GRID2: variants seen among roughly 807,000 people sequenced by gnomAD.
GRID2 encodes glutamate ionotropic receptor delta type subunit 2.
GRID2 carries 33 observed loss-of-function variants against 114.8 expected under a neutral mutation model. The observed-to-expected ratio is 0.29, with a 90% CI of 0.22 to 0.38. GRID2 has a LOEUF of 0.38. Ranked by LOEUF, GRID2 falls within the 10% of genes least tolerant of loss-of-function variation. GRID2 has a pLI of 1.00. For synonymous variants in GRID2, 505 were observed against 449.9 expected (o/e 1.12, Z -1.55); for missense variants, 1,184 against 1,257.7 (o/e 0.94, Z 0.89).
chr4:92,390,261 A>G (rs1182190343), intron 1 of GRID2, among the ~76,000 whole-genome samples: 1 of 152,206 alleles, frequency 6.6e-6, no homozygotes, highest in East Asian at 1.9e-4. Context: ...ACCAGTGAAT[A>G]GAAATGACTA....
At chr4:92,728,187 C>T (rs557359073) in intron 2 of GRID2, among the ~76,000 whole-genome samples, 1 of 152,018 alleles carries the variant, frequency 6.6e-6, no homozygotes, top group South Asian at 2.1e-4. Flanking sequence ...TGTGATTGAA[C>T]CTCTTATAAT....
intron 14 of GRID2, among the ~76,000 whole-genome samples, chr4:93,634,265 TATG>T (rs1721212929): frequency 6.6e-6 from 1 of 152,052 alleles, no homozygotes; most frequent in Non-Finnish European, 1.5e-5. Flanking sequence ...CGAATTTGGA[TATG>T]AGAGCAGGTG....
At chr4:93,495,075 T>G (rs1727395973) in intron 12 of GRID2, among the ~76,000 whole-genome samples, 2 of 151,750 alleles carry the variant, frequency 1.3e-5, no homozygotes, top group Admixed American at 6.6e-5. Flanking sequence ...GTTTTTTCAT[T>G]CCCAGGAGCT....
At chr4:92,964,795 A>G (rs905074868) in intron 2 of GRID2, among the ~76,000 whole-genome samples, 4 of 151,956 alleles carry the variant, frequency 2.6e-5, no homozygotes, top group African/African-American at 9.7e-5. Context: ...CTTTCCTTAG[A>G]TTTTGCTTTG....
intron 2 of GRID2, among the ~76,000 whole-genome samples, chr4:93,068,180 T>G (rs1307273301): frequency 6.6e-6 from 1 of 152,062 alleles, no homozygotes; most frequent in African/African-American, 2.4e-5. Context: ...ATCCTTCAGT[T>G]TAAAAAATGT....
At chr4:93,493,587 G>C (rs1727238214) in intron 12 of GRID2, among the ~76,000 whole-genome samples, 1 of 150,638 alleles carries the variant, frequency 6.6e-6, no homozygotes, top group African/African-American at 2.4e-5. Context: ...GAATTTGTTT[G>C]CTTGATATGG....
intron 2 of GRID2, among the ~76,000 whole-genome samples, chr4:92,620,591 G>T (rs1414841140): frequency 6.6e-6 from 1 of 150,732 alleles, no homozygotes; most frequent in Non-Finnish European, 1.5e-5. Flanking sequence ...ATTGTAAATG[G>T]TAGTTCATAT....
chr4:92,845,141 T>C (rs1169403375), intron 2 of GRID2, among the ~76,000 whole-genome samples: 3 of 152,132 alleles, frequency 2.0e-5, no homozygotes, highest in Admixed American at 6.6e-5. Context: ...TGAAAGGTCT[T>C]GAAGACTCCC....
intron 2 of GRID2, among the ~76,000 whole-genome samples, chr4:92,760,257 AAAAAG>A (rs1484506011): frequency 5.3e-5 from 8 of 151,036 alleles, no homozygotes; most frequent in African/African-American, 1.5e-4. Context: ...AAAAAAAAAA[AAAAAG>A]AAAAGAAATA....
At chr4:93,287,201 G>A (rs1753272874) in intron 8 of GRID2, among the ~76,000 whole-genome samples, 1 of 152,104 alleles carries the variant, frequency 6.6e-6, no homozygotes, top group South Asian at 2.1e-4. Context: ...ATATCATTAT[G>A]GAGTTGTAAA....
chr4:93,136,852 A>C (rs2149381624), intron 4 of GRID2, among the ~76,000 whole-genome samples: 1 of 152,262 alleles, frequency 6.6e-6, no homozygotes, highest in East Asian at 1.9e-4. Context: ...TAGGGTATAA[A>C]ATACTATCCA....
chr4:92,889,111 A>G (rs569135994), intron 2 of GRID2, among the ~76,000 whole-genome samples: 24 of 152,274 alleles, frequency 1.6e-4, no homozygotes, highest in Admixed American at 1.4e-3. Context: ...TAGGAAAAAT[A>G]CGTTGTTCAT....
rs932369976 is a variant in GRID2 at position 92,936,353 on chromosome 4, C to T, written c.245-148642C>T. 4.8e-5 allele frequency among the ~76,000 whole-genome samples: 7 copies of T among 146,226 alleles called. 2 individuals are homozygous for T. Among genetic ancestry groups the T allele is most frequent in the Non-Finnish European group, 9.1e-5 (6 of 66,156 alleles). On this transcript the variant is annotated intron_variant, in intron 2 of 15. Coordinates refer to ENST00000282020, the MANE Select transcript of GRID2 (RefSeq NM_001510.4). ...TTACACTAAGGCATTATCTGAGATT[C>T]GTTTGTAAATATAAATCACGCCATT...
At chr4:93,711,713 G>A (rs1298020667) in intron 14 of GRID2, among the ~76,000 whole-genome samples, 1 of 152,176 alleles carries the variant, frequency 6.6e-6, no homozygotes, top group East Asian at 1.9e-4. Flanking sequence ...AATCAGTGCT[G>A]TTTCCATCCT....
At chr4:93,035,334 G>T (rs747367818) in intron 2 of GRID2, among the ~76,000 whole-genome samples, 1 of 152,018 alleles carries the variant, frequency 6.6e-6, no homozygotes, top group African/African-American at 2.4e-5. Flanking sequence ...GGATGGTCTT[G>T]AGCTCCTTGG....
chr4:92,417,052 T>A (rs1161779064), intron 1 of GRID2, among the ~76,000 whole-genome samples: 1 of 152,138 alleles, frequency 6.6e-6, no homozygotes, highest in Non-Finnish European at 1.5e-5. Context: ...TGTTTTCATT[T>A]GTGTCGTCTA....
At chr4:93,282,234 G>T in intron 8 of GRID2, 1 of 269,478 alleles carries the variant, frequency 3.7e-6, no homozygotes, top group African/African-American at 2.3e-5. Context: ...AAAAATCTTG[G>T]CAGCAAAATG....
intron 2 of GRID2, among the ~76,000 whole-genome samples, chr4:92,794,907 C>T (rs13141113): frequency 0.02 from 1,270 of 63,372 alleles, 5 homozygotes; most frequent in East Asian, 0.046. Flanking sequence ...TATATATATA[C>T]ACACACACAC....
chr4:93,593,918 G>A (rs1263888289), intron 13 of GRID2, among the ~76,000 whole-genome samples: 31 of 151,602 alleles, frequency 2.0e-4, no homozygotes, highest in African/African-American at 2.9e-4. Flanking sequence ...GCTCCTTTAA[G>A]CACTTCTCTG....
Sources: gnomAD v4.1 joint callset for allele counts (sites outside exome capture counted in the v4.1 genomes callset) on GRCh38, gnomAD v4.1.1 for gene constraint, MANE v1.5 for transcripts, NCBI Gene and HGNC (gene_info 2026-07-23, HGNC 2026-07-21) for gene names.